The following KCNJ10 variants were observed in gnomAD, a reference collection of about 807,000 sequenced individuals.
KCNJ10 encodes the protein potassium inwardly rectifying channel subfamily J member 10, also known as ATP-sensitive inward rectifier potassium channel 10.
A neutral mutation model predicts 22.2 loss-of-function variants in KCNJ10; 9 were observed. The ratio of observed to expected loss-of-function variants is 0.40; its 90% CI spans 0.24 to 0.71. The LOEUF is 0.71. KCNJ10 is among the 30% of genes least tolerant of loss of function. KCNJ10 has a pLI of 0.35. For missense variants in KCNJ10, 337 were observed against 482.7 expected, an observed-to-expected ratio of 0.70 and a Z score of 2.83; for synonymous variants, 184 against 187.3, an observed-to-expected ratio of 0.98 and a Z score of 0.15.
At chr1:160,052,206 TAAG>T (rs1354814205) in intron 1 of KCNJ10, among the ~76,000 whole-genome samples, 1 of 152,180 alleles carries the variant, frequency 6.6e-6, no homozygotes, top group African/African-American at 2.4e-5. Context: ...TCCTGGAAAA[TAAG>T]AACAGTGCCT....
intron 1 of KCNJ10, among the ~76,000 whole-genome samples, chr1:160,049,681 A>ATTTT (rs1196223892): frequency 7.0e-4 from 53 of 75,312 alleles, no homozygotes; most frequent in African/African-American, 3.9e-3. Flanking sequence ...TTATTTATAT[A>ATTTT]TATATATATA....
At chr1:160,051,869 C>A (rs550201444) in intron 1 of KCNJ10, among the ~76,000 whole-genome samples, 1 of 152,016 alleles carries the variant, frequency 6.6e-6, no homozygotes. Context: ...AATGTCTCCC[C>A]GACCCGTTCC....
chr1:160,043,896 G>A (rs1648677051), intron 1 of KCNJ10, among the ~76,000 whole-genome samples: 1 of 152,224 alleles, frequency 6.6e-6, no homozygotes, highest in African/African-American at 2.4e-5. Context: ...CTTGGACCCT[G>A]GATCTGATAG....
At position 160,040,781 on chromosome 1, in the gene KCNJ10, T is replaced by G. The variant is rs1648582384; in HGVS notation, c.*612A>C. ...TCCTGAGAGTGTTCACTTGAGAAACTACAGAGGGAAAACAGTGGCGACCAT... is the reference window on the plus strand; with the variant it reads ...TCCTGAGAGTGTTCACTTGAGAAACGACAGAGGGAAAACAGTGGCGACCAT... On this transcript the variant is annotated 3_prime_UTR_variant, in exon 2 of 2. Coordinates refer to ENST00000644903, the MANE Select transcript of KCNJ10 (RefSeq NM_002241.5). 2.5e-6 allele frequency: 1 copy of G among 397,810 alleles called. No homozygotes were observed. The highest frequency in any genetic ancestry group is 2.1e-5 in the African/African-American group (1 of 48,550). 24.6% of individuals were successfully genotyped at this position (397,810 alleles called of 1,614,324 possible). A position where few individuals can be genotyped will look rare whatever the true frequency, so the allele number is the denominator to read the frequency against.
chr1:160,049,546 T>C (rs1386123762), intron 1 of KCNJ10, among the ~76,000 whole-genome samples: 1 of 151,568 alleles, frequency 6.6e-6, no homozygotes, highest in African/African-American at 2.4e-5. Flanking sequence ...GCCTCTCTTT[T>C]CTGAGTTTCC....
chr1:160,049,705 A>ATT (rs1352572712), intron 1 of KCNJ10, among the ~76,000 whole-genome samples: 17 of 126,358 alleles, frequency 1.3e-4, no homozygotes, highest in Middle Eastern at 3.8e-3. Context: ...ATATATATAT[A>ATT]TATATATATA....
chr1:160,043,912 T>C (rs968653598), intron 1 of KCNJ10, among the ~76,000 whole-genome samples: 1 of 152,252 alleles, frequency 6.6e-6, no homozygotes, highest in South Asian at 2.1e-4. Context: ...GATAGCCAGA[T>C]CTTCTGTGGA....
chr1:160,068,301 G>A (rs1009196015), intron 1 of KCNJ10, among the ~76,000 whole-genome samples: 3 of 151,966 alleles, frequency 2.0e-5, no homozygotes, highest in Admixed American at 1.3e-4. Context: ...ACCCTCCATC[G>A]GTGGAGTCAT....
At chr1:160,056,532 C>T in intron 1 of KCNJ10, among the ~76,000 whole-genome samples, 1 of 152,226 alleles carries the variant, frequency 6.6e-6, no homozygotes, top group Non-Finnish European at 1.5e-5. Flanking sequence ...AAATCCCCTT[C>T]CTCCTTCAAG....
At chr1:160,054,225 C>T (rs990168548) in intron 1 of KCNJ10, among the ~76,000 whole-genome samples, 9 of 152,162 alleles carry the variant, frequency 5.9e-5, no homozygotes, top group African/African-American at 1.9e-4. Flanking sequence ...CACCCCATCC[C>T]GGTATCTGCT....
intron 1 of KCNJ10, among the ~76,000 whole-genome samples, chr1:160,045,850 G>C (rs368854027): frequency 2.2e-4 from 33 of 152,348 alleles, no homozygotes; most frequent in African/African-American, 7.7e-4. Flanking sequence ...CGTGATCAAA[G>C]GCTTGGACTT....
intron 1 of KCNJ10, among the ~76,000 whole-genome samples, chr1:160,060,387 TA>T (rs1258168123): frequency 2.0e-5 from 3 of 151,972 alleles, no homozygotes; most frequent in Non-Finnish European, 4.4e-5. Flanking sequence ...CACCAGAGTA[TA>T]AGGGCTGGGG....
At chr1:160,068,365 T>TG (rs1649375617) in intron 1 of KCNJ10, among the ~76,000 whole-genome samples, 1 of 150,746 alleles carries the variant, frequency 6.6e-6, no homozygotes, top group Non-Finnish European at 1.5e-5. Context: ...GAGTGGGGGG[T>TG]GGGGGGATGG....
chr1:160,066,483 G>A (rs928533086), intron 1 of KCNJ10, among the ~76,000 whole-genome samples: 2 of 152,122 alleles, frequency 1.3e-5, no homozygotes, highest in Non-Finnish European at 1.5e-5. Flanking sequence ...TTAGAGTGGT[G>A]GGAGAAAAGC....
chr1:160,051,606 T>G (rs1256631375), intron 1 of KCNJ10, among the ~76,000 whole-genome samples: 1 of 152,036 alleles, frequency 6.6e-6, no homozygotes, highest in East Asian at 1.9e-4. Context: ...GATGACACCT[T>G]AAGCATAGTG....
chr1:160,061,912 A>T (rs899957341), intron 1 of KCNJ10, among the ~76,000 whole-genome samples: 8 of 151,734 alleles, frequency 5.3e-5, no homozygotes, highest in Non-Finnish European at 1.2e-4. Flanking sequence ...AGATGAGTGT[A>T]TGCCTGTGTG....
At chr1:160,068,288 C>CT (rs1459243897) in intron 1 of KCNJ10, among the ~76,000 whole-genome samples, 1 of 34,332 alleles carries the variant, frequency 2.9e-5, no homozygotes, top group Non-Finnish European at 6.8e-5. Context: ...CCACTCCCCA[C>CT]CCACCCTCCA....
chr1:160,069,837 G>T (rs1273040427), intron 1 of KCNJ10, among the ~76,000 whole-genome samples, 185 bp downstream of exon 1: 1 of 152,212 alleles, frequency 6.6e-6, no homozygotes, highest in African/African-American at 2.4e-5. Flanking sequence ...TTCCTCGTGG[G>T]GAGCCCTTCC....
Position 160,041,629 on chromosome 1 carries a change from G to A in KCNJ10, c.904C>T (p.Pro302Ser), listed in dbSNP as rs753814824. ...TCGTAGCCCCAAAGGATCTCCTCTG[G>A]CAGGTAGGAAGTGCGCACCTGACAG... Reference protein sequence around the residue: ...ATCQVRTSYLPEEILWGYEFT... With the variant: ...ATCQVRTSYLSEEILWGYEFT... Residue 302 changes from proline (P) to serine (S), a missense_variant, in exon 2 of 2, where the codon CCA (proline) becomes TCA (serine). Physicochemically the swap from Pro to Ser is moderately conservative, Grantham distance 74 (BLOSUM62 -1). This residue lies in a region of KCNJ10 where 165 missense variants were observed against 281.5 expected (regional missense o/e 0.59). Transcript: ENST00000644903. This position sits in a 1 kb window ranked among gnomAD's most constrained non-coding sequence, Gnocchi z 4.4. 6.2e-7 allele frequency: 1 copy of A among 1,614,154 alleles called. No homozygotes were observed. The highest frequency in any genetic ancestry group is 1.1e-5 in the South Asian group (1 of 91,084).
Sources: allele counts gnomAD v4.1 joint callset (sites outside exome capture counted in the v4.1 genomes callset), GRCh38; gene constraint gnomAD v4.1.1; regional missense constraint gnomAD v4.1.1; non-coding constraint Gnocchi (gnomAD v3.1); transcripts MANE v1.5; gene names NCBI Gene and HGNC (gene_info 2026-07-23, HGNC 2026-07-21).